SPIDR: variants seen among roughly 807,000 people sequenced by gnomAD.
SPIDR encodes scaffold protein involved in DNA repair, also known as DNA repair-scaffolding protein.
Under a neutral mutation model 104.6 loss-of-function variants are expected in SPIDR, and 93 were observed. The ratio of observed to expected loss-of-function variants is 0.89; its 90% CI spans 0.75 to 1.06. SPIDR has a LOEUF of 1.06. Among genes scored for constraint, SPIDR ranks in the 50% least tolerant of loss-of-function variants. The pLI is 0.00. For missense variants in SPIDR, 1,154 were observed against 1,111.2 expected (o/e 1.04, Z -0.55); for synonymous variants, 431 against 416.9 (o/e 1.03, Z -0.41).
At chr8:47,642,360 G>A (rs2069229007) in intron 10 of SPIDR, among the ~76,000 whole-genome samples, 1 of 150,672 alleles carries the variant, frequency 6.6e-6, no homozygotes, top group African/African-American at 2.4e-5. Context: ...AGGTTGCTGT[G>A]AGCCAAGATC....
chr8:47,644,351 AGCTGTGCCCCACT>A (rs2069835868), intron 10 of SPIDR, among the ~76,000 whole-genome samples: 1 of 152,150 alleles, frequency 6.6e-6, no homozygotes, highest in Admixed American at 6.5e-5. Flanking sequence ...TGTGCCCCAC[AGCTGTGCCCCACT>A]ATCACGCAAG....
intron 1 of SPIDR, among the ~76,000 whole-genome samples, chr8:47,274,335 C>T (rs2035933399): frequency 2.0e-5 from 3 of 151,950 alleles, no homozygotes; most frequent in African/African-American, 7.3e-5. Flanking sequence ...TACATATTTT[C>T]CTTTGCATTG....
chr8:47,553,210 C>A lies in SPIDR; in HGVS notation c.1098-42601C>A, dbSNP rs954976899. Among the ~76,000 whole-genome samples the A allele has an allele frequency of 2.6e-5, 4 of 152,272 alleles. No individual in the cohort carries two copies. In the Middle Eastern group the frequency reaches 0.01, roughly 388 times the overall value. On this transcript the variant is annotated intron_variant, in intron 8 of 19. Transcript: ENST00000297423. ...GCCCTTAACATTTTTTCTTCCATTTCAACCTTGGTGAATCTGACAATTATG... is the reference window on the plus strand; with the variant it reads ...GCCCTTAACATTTTTTCTTCCATTTAAACCTTGGTGAATCTGACAATTATG...
intron 5 of SPIDR, among the ~76,000 whole-genome samples, chr8:47,320,897 AC>A (rs1203229503): frequency 2.6e-5 from 4 of 152,138 alleles, no homozygotes; most frequent in Non-Finnish European, 4.4e-5. Context: ...AAATTTAACA[AC>A]CCTTCATGCT....
intron 11 of SPIDR, among the ~76,000 whole-genome samples, chr8:47,680,380 A>G (rs2076947052): frequency 6.6e-6 from 1 of 152,208 alleles, no homozygotes; most frequent in Admixed American, 6.5e-5. Context: ...GTGACTGGGC[A>G]GGATGCTGGG....
chr8:47,455,792 CACAGCAAAAACATAAA>C (rs1477817649), intron 8 of SPIDR, among the ~76,000 whole-genome samples: 1 of 151,998 alleles, frequency 6.6e-6, no homozygotes, highest in Non-Finnish European at 1.5e-5. Context: ...AAAGGTTTAA[CACAGCAAAAACATAAA>C]ATAATTTTAA....
intron 5 of SPIDR, among the ~76,000 whole-genome samples, chr8:47,352,788 G>T (rs552819332): frequency 6.6e-6 from 1 of 152,216 alleles, no homozygotes; most frequent in Non-Finnish European, 1.5e-5. Flanking sequence ...TTTCTGCCAG[G>T]CGTGGTGGCT....
At chr8:47,651,446 A>G (rs534600302) in intron 10 of SPIDR, among the ~76,000 whole-genome samples, 1 of 152,274 alleles carries the variant, frequency 6.6e-6, no homozygotes, top group African/African-American at 2.4e-5. Flanking sequence ...AAGTTAAGAA[A>G]CAATAGATAC....
intron 8 of SPIDR, among the ~76,000 whole-genome samples, chr8:47,499,602 T>G (rs2080033557): frequency 6.6e-6 from 1 of 152,108 alleles, no homozygotes; most frequent in Non-Finnish European, 1.5e-5. Context: ...TAGACTCATT[T>G]AGCCATCTGT....
chr8:47,685,512 TA>T (rs1232622524), intron 11 of SPIDR, among the ~76,000 whole-genome samples: 3,983 of 141,058 alleles, frequency 0.028, 221 homozygotes, highest in Non-Finnish European at 0.046. Flanking sequence ...TTTATTTATT[TA>T]TTTATTTTTT....
chr8:47,300,069 TC>T lies in SPIDR; in HGVS notation c.525+6041del, dbSNP rs1286083822. On this transcript the variant is annotated intron_variant, in intron 5 of 19. Transcript: ENST00000297423. Reference sequence around the variant, plus strand: ...ACCTCTGGTAGAATTTGGCTGTGAATCCGTCTGGTCCTGGACTTTTTTTGTT... The same window carrying T: ...ACCTCTGGTAGAATTTGGCTGTGAATCGTCTGGTCCTGGACTTTTTTTGTT... 9.2e-5 allele frequency among the ~76,000 whole-genome samples: 14 copies of T among 152,340 alleles called. No individual in the cohort carries two copies. The South Asian group carries it at 2.9e-3, about 32-fold the overall frequency.
chr8:47,720,063 T>G (rs2083180851), intron 16 of SPIDR, among the ~76,000 whole-genome samples: 1 of 152,352 alleles, frequency 6.6e-6, no homozygotes, highest in South Asian at 2.1e-4. Context: ...TTGTACTGTC[T>G]CTGTAGTTTG....
chr8:47,497,212 T>C (rs1327903695), intron 8 of SPIDR, among the ~76,000 whole-genome samples: 1 of 152,148 alleles, frequency 6.6e-6, no homozygotes, highest in African/African-American at 2.4e-5. Flanking sequence ...ATTTCATGTA[T>C]TTCTGCTTAA....
chr8:47,720,117 A>G (rs868138368), intron 16 of SPIDR, among the ~76,000 whole-genome samples: 12 of 152,190 alleles, frequency 7.9e-5, no homozygotes, highest in African/African-American at 2.4e-4. Flanking sequence ...GCAGTATGCA[A>G]CCTTTTCAGA....
chr8:47,269,165 CT>C (rs1160351168), intron 1 of SPIDR, among the ~76,000 whole-genome samples: 7,086 of 111,792 alleles, frequency 0.063, 505 homozygotes, highest in African/African-American at 0.13. Flanking sequence ...AGACCCTCTC[CT>C]TTTTTTTTTT....
intron 8 of SPIDR, among the ~76,000 whole-genome samples, chr8:47,510,216 GTTAAA>G (rs1188549057): frequency 1.3e-5 from 2 of 152,116 alleles, no homozygotes; most frequent in African/African-American, 2.4e-5. Flanking sequence ...ATCAAAAAAA[GTTAAA>G]TTAAAATATC....
chr8:47,723,931 G>A (rs759550998), intron 16 of SPIDR, among the ~76,000 whole-genome samples: 1 of 150,850 alleles, frequency 6.6e-6, no homozygotes, highest in Admixed American at 6.6e-5. Flanking sequence ...TACTCAAAAG[G>A]TATAATCATT....
At chr8:47,481,991 A>G (rs369847936) in intron 8 of SPIDR, among the ~76,000 whole-genome samples, 45 of 152,308 alleles carry the variant, frequency 3.0e-4, no homozygotes, top group African/African-American at 1.1e-3. Context: ...GGAGTAAATA[A>G]CACATTTTGG....
intron 8 of SPIDR, among the ~76,000 whole-genome samples, chr8:47,573,012 A>G (rs1276241630): frequency 6.6e-6 from 1 of 152,260 alleles, no homozygotes; most frequent in Non-Finnish European, 1.5e-5. Context: ...TTTAACAAAC[A>G]GCATTTTGGG....
Sources: gnomAD v4.1 joint callset for allele counts (sites outside exome capture counted in the v4.1 genomes callset) on GRCh38, gnomAD v4.1.1 for gene constraint, MANE v1.5 for transcripts, NCBI Gene and HGNC (gene_info 2026-07-23, HGNC 2026-07-21) for gene names.